The following MAP2K1 variants were observed in gnomAD, a reference collection of about 807,000 sequenced individuals.
The protein encoded by MAP2K1 is mitogen-activated protein kinase kinase 1, also known as dual specificity mitogen-activated protein kinase kinase 1.
Under a neutral mutation model 46.3 loss-of-function variants are expected in MAP2K1, and 16 were observed. The ratio of observed to expected loss-of-function variants is 0.35; its 90% CI spans 0.23 to 0.52. MAP2K1 has a LOEUF of 0.52. MAP2K1 is among the 20% of genes least tolerant of loss of function. The pLI is 0.94. For synonymous variants in MAP2K1, 183 were observed against 185.6 expected (o/e 0.99, Z 0.11); for missense variants, 263 against 497.1 (o/e 0.53, Z 4.48).
chr15:66,487,811 T>G (rs185988305), intron 8 of MAP2K1, among the ~76,000 whole-genome samples: 20 of 152,146 alleles, frequency 1.3e-4, no homozygotes, highest in African/African-American at 4.8e-4. Context: ...CATCCTCTAC[T>G]GCTGGGGACC....
intron 1 of MAP2K1, among the ~76,000 whole-genome samples, chr15:66,392,654 A>G (rs1198714234): frequency 1.3e-5 from 2 of 151,212 alleles, no homozygotes; most frequent in South Asian, 2.1e-4. Context: ...CCCAGGTTCA[A>G]GCTATTCTCC....
At chr15:66,389,951 A>G (rs576752526) in intron 1 of MAP2K1, among the ~76,000 whole-genome samples, 5 of 152,190 alleles carry the variant, frequency 3.3e-5, no homozygotes, top group African/African-American at 7.2e-5. Flanking sequence ...GATAGAACCT[A>G]CTTAGCATAG....
At chr15:66,424,245 G>A (rs1006968995) in intron 1 of MAP2K1, among the ~76,000 whole-genome samples, 3 of 149,476 alleles carry the variant, frequency 2.0e-5, no homozygotes, top group African/African-American at 4.9e-5. Flanking sequence ...TTCAGTAGAG[G>A]TGGGGTTTCG....
At chr15:66,480,274 A>C (rs1009946401) in intron 5 of MAP2K1, among the ~76,000 whole-genome samples, 1 of 152,004 alleles carries the variant, frequency 6.6e-6, no homozygotes, top group African/African-American at 2.4e-5. Context: ...TTTTTAGTAG[A>C]GATGGGAGTT....
intron 5 of MAP2K1, among the ~76,000 whole-genome samples, chr15:66,478,340 A>G (rs1892813431): frequency 6.9e-6 from 1 of 144,398 alleles, no homozygotes; most frequent in African/African-American, 2.6e-5. Flanking sequence ...ATATACACAC[A>G]TATATGTTAA....
intron 5 of MAP2K1, among the ~76,000 whole-genome samples, chr15:66,469,028 C>T (rs1454505660): frequency 3.4e-5 from 5 of 145,952 alleles, no homozygotes; most frequent in South Asian, 4.4e-4. Flanking sequence ...GAGGCCGAGG[C>T]GGGTGGATCA....
At chr15:66,474,175 G>T (rs1892704036) in intron 5 of MAP2K1, among the ~76,000 whole-genome samples, 1 of 152,074 alleles carries the variant, frequency 6.6e-6, no homozygotes, top group Non-Finnish European at 1.5e-5. Context: ...GCTTGGAAGG[G>T]AAGGAAGAAA....
Position 66,396,151 on chromosome 15 carries a change from A to G in MAP2K1, c.80+8724A>G, listed in dbSNP as rs534499423. On this transcript the variant is annotated intron_variant, in intron 1 of 10. Coordinates refer to ENST00000307102, the MANE Select transcript of MAP2K1 (RefSeq NM_002755.4). ...CCTCCCAAGTAGCTGGGCTACAGGT[A>G]TGCGCCACCACATCTGGCTAATTTT... 1.3e-4 allele frequency among the ~76,000 whole-genome samples: 19 copies of G among 151,734 alleles called. No homozygotes were observed. The South Asian group carries it at 1.9e-3, about 15-fold the overall frequency.
At chr15:66,488,087 T>A (rs1380110789) in intron 8 of MAP2K1, among the ~76,000 whole-genome samples, 1 of 151,028 alleles carries the variant, frequency 6.6e-6, no homozygotes, top group African/African-American at 2.5e-5. Context: ...CATTCTTACC[T>A]CCTAGGAGGC....
chr15:66,462,514 A>G (rs1335123790), intron 5 of MAP2K1, among the ~76,000 whole-genome samples: 2 of 151,764 alleles, frequency 1.3e-5, no homozygotes, highest in East Asian at 3.9e-4. Context: ...AAAAAAAAAA[A>G]AAGATTGGTA....
At chr15:66,387,967 C>T (rs574490911) in intron 1 of MAP2K1, among the ~76,000 whole-genome samples, 6 of 152,330 alleles carry the variant, frequency 3.9e-5, no homozygotes, top group African/African-American at 9.6e-5. Context: ...GACTTCGTGG[C>T]TTTTCCTTGC....
chr15:66,481,553 T>G (rs2140666709), intron 5 of MAP2K1, among the ~76,000 whole-genome samples: 1 of 152,316 alleles, frequency 6.6e-6, no homozygotes, highest in South Asian at 2.1e-4. Context: ...GCTGCTCATT[T>G]CATCTCCTGA....
chr15:66,437,853 A>C (rs947487984), intron 3 of MAP2K1, among the ~76,000 whole-genome samples: 1 of 152,100 alleles, frequency 6.6e-6, no homozygotes, highest in Non-Finnish European at 1.5e-5. Flanking sequence ...GGTTAGAGAA[A>C]GTGCTTGTTC....
rs148656020 is a variant in MAP2K1, at chr15:66,435,183, C to T, written c.237C>T (p.Gly79=). Residue 79 remains glycine (G), a synonymous_variant, in exon 2 of 11, where the codon GGC becomes GGT. Coordinates refer to ENST00000307102, the MANE Select transcript of MAP2K1 (RefSeq NM_002755.4). ...TCAGTGAGCTGGGGGCTGGCAATGG[C>T]GGTGTGGTGTTCAAGGTCTCCCACA... The part of the protein sequence containing the change: ...EKISELGAGN[G]GVVFKVSHKP... 2.9e-4 allele frequency: 466 copies of T among 1,614,010 alleles called. No homozygotes were observed. Among genetic ancestry groups the T allele is most frequent in the Non-Finnish European group, 3.5e-4 (410 of 1,179,982 alleles).
rs767501618 is a variant in MAP2K1 at position 66,491,516 on chromosome 15, A to G, written c.*901A>G. ...AATCTCTTATTCTAATAAATATACT[A>G]TGAAATAAAAAAAAAAGGATGAAAG... is the stretch of plus-strand genomic sequence containing the variant. On this transcript the variant is annotated 3_prime_UTR_variant, in exon 11 of 11. Coordinates refer to ENST00000307102, the MANE Select transcript of MAP2K1 (RefSeq NM_002755.4). The G allele has an allele frequency of 1.0e-5, 2 of 197,136 alleles. No homozygotes were observed. The highest frequency in any genetic ancestry group is 2.1e-5 in the Non-Finnish European group (2 of 95,408). 12.2% of individuals were successfully genotyped at this position (197,136 alleles called of 1,614,324 possible).
chr15:66,475,356 A>T (rs966569116), intron 5 of MAP2K1, among the ~76,000 whole-genome samples: 1 of 152,106 alleles, frequency 6.6e-6, no homozygotes, highest in Non-Finnish European at 1.5e-5. Context: ...GCCTTTTTTT[A>T]AAATCCTTTA....
chr15:66,421,565 C>A (rs765890252), intron 1 of MAP2K1, among the ~76,000 whole-genome samples: 3 of 151,570 alleles, frequency 2.0e-5, no homozygotes, highest in Admixed American at 6.6e-5. Context: ...CTTTGGGAGG[C>A]CGAGGTGGGC....
At chr15:66,389,400 A>G (rs1308001588) in intron 1 of MAP2K1, among the ~76,000 whole-genome samples, 1 of 152,164 alleles carries the variant, frequency 6.6e-6, no homozygotes, top group Non-Finnish European at 1.5e-5. Flanking sequence ...TGATACCACA[A>G]CTGTATTCTC....
chr15:66,437,443 T>G (rs564590978), intron 3 of MAP2K1, among the ~76,000 whole-genome samples: 20 of 152,366 alleles, frequency 1.3e-4, no homozygotes, highest in Non-Finnish European at 1.9e-4. Context: ...TCTTCAGATA[T>G]AAGTCTTCCA....
Sources: gnomAD v4.1 joint callset for allele counts (sites outside exome capture counted in the v4.1 genomes callset) on GRCh38, gnomAD v4.1.1 for gene constraint, MANE v1.5 for transcripts, NCBI Gene and HGNC (gene_info 2026-07-23, HGNC 2026-07-21) for gene names.